TMEM92: variants seen among roughly 807,000 people sequenced by gnomAD.
TMEM92 encodes the protein transmembrane protein 92.
In TMEM92, 15 loss-of-function variants were observed where a neutral mutation model predicts 14.6. That is an observed-to-expected ratio of 1.03 (90% CI 0.69 to 1.58). The LOEUF is 1.58. Ranked by LOEUF, TMEM92 falls within the 40% of genes most tolerant of loss-of-function variation. TMEM92 has a pLI of 0.00. For missense variants in TMEM92, 174 were observed against 202.4 expected (o/e 0.86, Z 0.85); for synonymous variants, 85 against 83.3 (o/e 1.02, Z -0.11).
chr17:50,274,335 G>A (rs1053226903), upstream of TMEM92: 19 of 658,432 alleles, frequency 2.9e-5, no homozygotes, highest in Non-Finnish European at 4.2e-5. Context: ...AGACCTCTGC[G>A]CCTCCCTTCC....
At chr17:50,273,543 T>G (rs1265478918), upstream of TMEM92, among the ~76,000 whole-genome samples, 2 of 152,230 alleles carry the variant, frequency 1.3e-5, no homozygotes, top group Non-Finnish European at 2.9e-5. Flanking sequence ...AGTTCCCGTT[T>G]TGTCAATGGG....
Position 50,279,465 on chromosome 17 carries a change from C to T in TMEM92, c.*157C>T. On this transcript the variant is annotated 3_prime_UTR_variant, in exon 5 of 5. Transcript: ENST00000507382. Reference sequence around the variant, plus strand: ...CTTATTACTTTTTCTGCTTCTGTTTCCACCCCAGCTGCCTCTCTTGTCCTG... The same window carrying T: ...CTTATTACTTTTTCTGCTTCTGTTTTCACCCCAGCTGCCTCTCTTGTCCTG... 4.6e-6 allele frequency: 3 copies of T among 653,058 alleles called. No individual in the cohort carries two copies. The South Asian group carries it at 5.2e-5, about 11-fold the overall frequency. The allele number at this position is 653,058 out of a possible 1,614,324, so 40.5% of individuals were successfully genotyped here.
chr17:50,278,240 T>G (rs1472063914), intron 2 of TMEM92, among the ~76,000 whole-genome samples: 1 of 151,906 alleles, frequency 6.6e-6, no homozygotes, highest in African/African-American at 2.4e-5. Context: ...CTCCTTAGAG[T>G]TGGATGAGGA....
At chr17:50,277,805 C>T (rs1460666709) in intron 2 of TMEM92, 65 bp downstream of exon 2, 1 of 1,601,376 alleles carries the variant, frequency 6.2e-7, no homozygotes, top group Non-Finnish European at 8.6e-7. Context: ...TCATGCCCTG[C>T]ATGCCTTGGG....
chr17:50,274,522 C>T lies in TMEM92; in HGVS notation c.21C>T (p.Pro7=), dbSNP rs771357408. The change falls in exon 1 of 5, where the codon CCC becomes CCT. Residue 7 remains proline, a synonymous_variant. Coordinates refer to ENST00000507382, the MANE Select transcript of TMEM92 (RefSeq NM_153229.3). ...CCAGGATGTCCCAAGCTTGGGTCCC[C>T]GGCCTCGCGCCCACCTTGCTGTTCA... The part of the protein sequence containing the change: MSQAWV[P]GLAPTLLFSL... 14 of 1,613,742 alleles carry T rather than the reference C, an allele frequency of 8.7e-6. No individual in the cohort carries two copies. The highest frequency in any genetic ancestry group is 6.8e-6 in the Non-Finnish European group (8 of 1,179,916).
chr17:50,272,635 C>T (rs1910284375), upstream of TMEM92, among the ~76,000 whole-genome samples: 1 of 152,150 alleles, frequency 6.6e-6, no homozygotes, highest in African/African-American at 2.4e-5. Context: ...GATCCCAATA[C>T]CCCTCGGATC....
upstream of TMEM92, among the ~76,000 whole-genome samples, chr17:50,272,199 T>C (rs1171860859): frequency 2.0e-5 from 3 of 149,044 alleles, no homozygotes; most frequent in African/African-American, 2.5e-5. Flanking sequence ...CTCCTGCCCC[T>C]CTTCAGGGCA....
chr17:50,273,991 T>C (rs1005197181), upstream of TMEM92, among the ~76,000 whole-genome samples: 99 of 152,282 alleles, frequency 6.5e-4, no homozygotes, highest in African/African-American at 2.4e-3. Context: ...TTTATTTATT[T>C]ATTTAGAGAT....
intron 1 of TMEM92, 168 bp downstream of exon 1, chr17:50,274,738 G>A (rs896175345): frequency 2.6e-5 from 17 of 664,896 alleles, no homozygotes; most frequent in Admixed American, 2.1e-4. Flanking sequence ...TGGGGGCAGC[G>A]GAGGAGGCTC....
At chr17:50,277,914 C>T (rs1160305582) in intron 2 of TMEM92, among the ~76,000 whole-genome samples, 174 bp downstream of exon 2, 1 of 152,146 alleles carries the variant, frequency 6.6e-6, no homozygotes, top group African/African-American at 2.4e-5. Context: ...CCACCCTCTA[C>T]CTCCACCAAC....
intron 4 of TMEM92, 43 bp from the exon 5 acceptor site, chr17:50,279,152 A>C (rs759666652): frequency 6.3e-7 from 1 of 1,579,958 alleles, no homozygotes; most frequent in Non-Finnish European, 8.7e-7. Flanking sequence ...AGTGGTGGCC[A>C]GGGCCAGGGC....
At chr17:50,275,660 C>T (rs1267012558) in intron 1 of TMEM92, among the ~76,000 whole-genome samples, 1 of 152,046 alleles carries the variant, frequency 6.6e-6, no homozygotes, top group Non-Finnish European at 1.5e-5. Flanking sequence ...AGAGCTCCTC[C>T]CCCTCCCAAA....
In TMEM92 at chr17:50,280,086, T is replaced by G. The variant is rs1260012676; in HGVS notation, c.*778T>G. ...TTCCCAATCCCTTCCGCCCAAGGCTTTCCTGGGACACATGGAGCCCAGCTC... is the reference window on the plus strand; with the variant it reads ...TTCCCAATCCCTTCCGCCCAAGGCTGTCCTGGGACACATGGAGCCCAGCTC... On this transcript the variant is annotated 3_prime_UTR_variant, in exon 5 of 5. Transcript: ENST00000507382. 6.6e-6 allele frequency: 1 copy of G among 152,296 alleles called. No homozygotes were observed. Among genetic ancestry groups the G allele is most frequent in the Non-Finnish European group, 1.5e-5 (1 of 68,068 alleles). 9.4% of individuals were successfully genotyped at this position (152,296 alleles called of 1,614,324 possible). A position where few individuals can be genotyped will look rare whatever the true frequency, so the allele number is the denominator to read the frequency against.
rs1910515120 is a variant in TMEM92 at position 50,278,804 on chromosome 17, C to G, written c.174C>G (p.Ile58Met). ...CTCTTGGTGGTCCCCACCCCAGGAT[C>G]TTCGTCATCATCTTCCTGGTCATCC... ...ENELFPGPVRIFVIIFLVILS... is the reference protein window; with the variant it reads ...ENELFPGPVRMFVIIFLVILS... The change falls in exon 4 of 5, where the codon ATC (isoleucine) becomes ATG (methionine). Residue 58 changes from isoleucine (I) to methionine (M), a missense_variant. Physicochemically the swap from Ile to Met is conservative, Grantham distance 10 (BLOSUM62 1). Coordinates refer to ENST00000507382, the MANE Select transcript of TMEM92 (RefSeq NM_153229.3). 2.2e-5 allele frequency: 36 copies of G among 1,609,256 alleles called. No homozygotes were observed. The highest frequency in any genetic ancestry group is 3.1e-5 in the Non-Finnish European group (36 of 1,177,816).
chr17:50,278,415 G>C (rs1433651888), intron 2 of TMEM92, 141 bp from the exon 3 acceptor site: 1 of 853,070 alleles, frequency 1.2e-6, no homozygotes, highest in South Asian at 1.6e-5. Flanking sequence ...AGCTCAGAGC[G>C]GGGGCCATAC....
At chr17:50,272,406 G>C (rs1458686165), upstream of TMEM92, among the ~76,000 whole-genome samples, 1 of 152,208 alleles carries the variant, frequency 6.6e-6, no homozygotes, top group African/African-American at 2.4e-5. Flanking sequence ...AGGATAGCAG[G>C]GAGTGTGGGG....
At position 50,281,185 on chromosome 17, in the gene TMEM92, T is replaced by A. The variant is rs1475950249; in HGVS notation, c.*1877T>A. 1.3e-5 allele frequency: 2 copies of A among 152,284 alleles called. No individual in the cohort carries two copies. The highest frequency in any genetic ancestry group is 2.1e-4 in the South Asian group (1 of 4,822). 9.4% of individuals were successfully genotyped at this position (152,284 alleles called of 1,614,324 possible). A position where few individuals can be genotyped will look rare whatever the true frequency, so the allele number is the denominator to read the frequency against. On this transcript the variant is annotated 3_prime_UTR_variant, in exon 5 of 5. Coordinates refer to ENST00000507382, the MANE Select transcript of TMEM92 (RefSeq NM_153229.3). ...CTGGTGACAGAAATGGAAACCTCTGTGGCTCTTCTGGTCATCCTTGGTGGG... is the reference window on the plus strand; with the variant it reads ...CTGGTGACAGAAATGGAAACCTCTGAGGCTCTTCTGGTCATCCTTGGTGGG...
rs1163336113 is a variant in TMEM92, at chr17:50,280,284, T to C, written c.*976T>C. ...TGGGTGGGGCTGGGCATCCGTGGAG[T>C]GGGGCTTTAGGAGACCTTGAACGGC... On this transcript the variant is annotated 3_prime_UTR_variant, in exon 5 of 5. Transcript: ENST00000507382. The C allele has an allele frequency of 1.3e-5, 2 of 151,916 alleles. No homozygotes were observed. The highest frequency in any genetic ancestry group is 2.9e-5 in the Non-Finnish European group (2 of 67,976). 9.4% of individuals were successfully genotyped at this position (151,916 alleles called of 1,614,324 possible). A position where few individuals can be genotyped will look rare whatever the true frequency, so the allele number is the denominator to read the frequency against.
At position 50,279,188 on chromosome 17, in the gene TMEM92, C is replaced by T. The variant is rs1360296138; in HGVS notation, c.367-7C>T. ...CCAGAAGACTGAATTCTCTCTTTTC[C>T]CTGCAGGTGATTCTGAAGCCCAGCC... is the stretch of plus-strand genomic sequence containing the variant. On this transcript the variant is annotated splice_region_variant and splice_polypyrimidine_tract_variant and intron_variant, in intron 4 of 4. Coordinates refer to ENST00000507382, the MANE Select transcript of TMEM92 (RefSeq NM_153229.3). 6.2e-7 allele frequency: 1 copy of T among 1,613,044 alleles called. No individual in the cohort carries two copies. The highest frequency in any genetic ancestry group is 1.3e-5 in the African/African-American group (1 of 75,006).
Sources: gnomAD v4.1 joint callset for allele counts (sites outside exome capture counted in the v4.1 genomes callset) on GRCh38, gnomAD v4.1.1 for gene constraint, MANE v1.5 for transcripts, NCBI Gene and HGNC (gene_info 2026-07-23, HGNC 2026-07-21) for gene names.